Variants in PTPRM observed in about 807,000 individuals in gnomAD.
PTPRM encodes receptor-type tyrosine-protein phosphatase mu.
A neutral mutation model predicts 186.7 loss-of-function variants in PTPRM; 47 were observed. The ratio of observed to expected loss-of-function variants is 0.25; its 90% CI spans 0.20 to 0.32. PTPRM has a LOEUF of 0.32. Among genes scored for constraint, PTPRM ranks in the 10% least tolerant of loss-of-function variants. PTPRM has a pLI of 1.00. For synonymous variants in PTPRM, 668 were observed against 674.9 expected (o/e 0.99, Z 0.16); for missense variants, 1,494 against 1,865.0 (o/e 0.80, Z 3.66).
intron 6 of PTPRM, among the ~76,000 whole-genome samples, chr18:7,952,853 A>G (rs771430284): frequency 6.6e-6 from 1 of 152,124 alleles, no homozygotes; most frequent in Non-Finnish European, 1.5e-5. Flanking sequence ...TAGAAATACA[A>G]AAACTAACCA....
At chr18:7,650,228 C>T (rs570005444) in intron 1 of PTPRM, among the ~76,000 whole-genome samples, 2 of 152,168 alleles carry the variant, frequency 1.3e-5, no homozygotes, top group East Asian at 3.9e-4. Flanking sequence ...GGCCCTGGAA[C>T]CAATCCTTGC....
At chr18:7,706,892 A>G (rs934137269) in intron 1 of PTPRM, among the ~76,000 whole-genome samples, 3 of 152,086 alleles carry the variant, frequency 2.0e-5, no homozygotes, top group Non-Finnish European at 4.4e-5. Flanking sequence ...TAATCCTTTG[A>G]CGTTTTAACC....
At chr18:8,239,706 C>T (rs72911268) in intron 14 of PTPRM, among the ~76,000 whole-genome samples, 3 of 152,070 alleles carry the variant, frequency 2.0e-5, no homozygotes, top group Admixed American at 1.3e-4. Flanking sequence ...AGCCTCAGTT[C>T]TCCAACAAAT....
In PTPRM at chr18:8,113,712, T is replaced by A. The variant is rs776515824; in HGVS notation, c.2083T>A (p.Tyr695Asn). The change falls in exon 12 of 33, where the codon TAT (tyrosine) becomes AAT (asparagine). Residue 695 changes from tyrosine to asparagine, a missense_variant. Around this residue, in one of 3 missense-constraint regions of PTPRM, gnomAD observed 1,107 missense variants for 1,350.2 expected, o/e 0.82. Transcript: ENST00000580170. The part of the protein sequence containing the change: ...NGYWNTPLLP[Y>N]KSYRIYFQAA... Reference sequence around the variant, plus strand: ...ATACTGGAACACTCCCCTTCTCCCCTATAAAAGCTACAGAATTTATTTCCA... The same window carrying A: ...ATACTGGAACACTCCCCTTCTCCCCAATAAAAGCTACAGAATTTATTTCCA... 1.2e-6 allele frequency: 2 copies of A among 1,613,638 alleles called. No homozygotes were observed. Among genetic ancestry groups the A allele is most frequent in the African/African-American group, 2.7e-5 (2 of 74,910 alleles).
chr18:8,305,606 C>T (rs987863212), intron 20 of PTPRM, among the ~76,000 whole-genome samples: 4 of 152,278 alleles, frequency 2.6e-5, no homozygotes, highest in Middle Eastern at 3.4e-3. Flanking sequence ...CTCGGGAGCC[C>T]GGGATCCTAA....
chr18:8,340,937 C>T (rs2095470868), intron 22 of PTPRM, among the ~76,000 whole-genome samples: 1 of 152,138 alleles, frequency 6.6e-6, no homozygotes, highest in Non-Finnish European at 1.5e-5. Flanking sequence ...CCGTAGAGAA[C>T]AGTCACTGGG....
At chr18:7,834,497 C>CACACACACACACAT (rs1567889563) in intron 2 of PTPRM, among the ~76,000 whole-genome samples, 6 of 140,714 alleles carry the variant, frequency 4.3e-5, no homozygotes, top group African/African-American at 1.6e-4. Flanking sequence ...AGTATACACA[C>CACACACACACACAT]ACACACACAC....
At chr18:7,688,653 A>G (rs1045480573) in intron 1 of PTPRM, among the ~76,000 whole-genome samples, 2 of 152,222 alleles carry the variant, frequency 1.3e-5, no homozygotes, top group East Asian at 1.9e-4. Flanking sequence ...GGAAGAGAGT[A>G]GTCCAGGCCC....
intron 2 of PTPRM, among the ~76,000 whole-genome samples, chr18:7,831,773 C>T (rs1208910528): frequency 2.0e-5 from 3 of 152,136 alleles, no homozygotes; most frequent in Non-Finnish European, 4.4e-5. Flanking sequence ...CCTCCTAACC[C>T]CGCATTACCC....
At chr18:8,284,025 C>T (rs962499947) in intron 19 of PTPRM, among the ~76,000 whole-genome samples, 2 of 152,050 alleles carry the variant, frequency 1.3e-5, no homozygotes, top group Non-Finnish European at 2.9e-5. Context: ...TTTCTTATGA[C>T]ATTTCTTGGC....
At chr18:7,651,012 A>G (rs2038690340) in intron 1 of PTPRM, among the ~76,000 whole-genome samples, 1 of 151,446 alleles carries the variant, frequency 6.6e-6, no homozygotes, top group African/African-American at 2.4e-5. Context: ...GCTCACTGCA[A>G]ACTCTGCCTC....
At chr18:7,852,483 C>T (rs1180863026) in intron 2 of PTPRM, among the ~76,000 whole-genome samples, 3 of 151,886 alleles carry the variant, frequency 2.0e-5, no homozygotes, top group Admixed American at 1.3e-4. Flanking sequence ...GTCAGAAGAT[C>T]GAGACCATCC....
intron 17 of PTPRM, among the ~76,000 whole-genome samples, chr18:8,251,412 G>A (rs1339352901): frequency 8.5e-5 from 13 of 152,178 alleles, no homozygotes. Context: ...AAGGGATTCG[G>A]TACTTCAGCA....
chr18:8,162,786 C>T (rs558066372), intron 14 of PTPRM, among the ~76,000 whole-genome samples: 233 of 152,306 alleles, frequency 1.5e-3, no homozygotes, highest in African/African-American at 5.2e-3. Context: ...CACATCTTTA[C>T]GTGTGTTTCA....
At chr18:8,313,740 C>T (rs1267792009) in intron 20 of PTPRM, among the ~76,000 whole-genome samples, 2 of 152,044 alleles carry the variant, frequency 1.3e-5, no homozygotes, top group African/African-American at 4.8e-5. Context: ...TCCCTTACCC[C>T]CTTCTCCCCC....
chr18:8,289,563 CATATAT>C (rs72435328), intron 19 of PTPRM, among the ~76,000 whole-genome samples: 1 of 106,232 alleles, frequency 9.4e-6, no homozygotes, highest in African/African-American at 4.1e-5. Context: ...TATATATACA[CATATAT>C]ATATATACAT....
chr18:8,181,298 G>T (rs2093570951), intron 14 of PTPRM, among the ~76,000 whole-genome samples: 1 of 152,190 alleles, frequency 6.6e-6, no homozygotes. Flanking sequence ...TTTGGGTAAT[G>T]TTGGTTAAAT....
intron 8 of PTPRM, among the ~76,000 whole-genome samples, chr18:8,071,400 TATA>T (rs1315415009): frequency 1.3e-5 from 2 of 152,232 alleles, no homozygotes; most frequent in East Asian, 3.8e-4. Flanking sequence ...CTGAAATTTC[TATA>T]ATTGTTTCTA....
chr18:8,052,059 G>A (rs1287482353), intron 7 of PTPRM, among the ~76,000 whole-genome samples: 4 of 152,136 alleles, frequency 2.6e-5, no homozygotes, highest in Non-Finnish European at 5.9e-5. Flanking sequence ...CAGTGTGCAG[G>A]TGAAGATTCA....
Sources: gnomAD v4.1 joint callset for allele counts (sites outside exome capture counted in the v4.1 genomes callset) on GRCh38, gnomAD v4.1.1 for gene constraint, gnomAD v4.1.1 regional missense constraint, MANE v1.5 for transcripts, NCBI Gene and HGNC (gene_info 2026-07-23, HGNC 2026-07-21) for gene names.